The following DERA variants were observed in gnomAD, a reference collection of about 807,000 sequenced individuals.
DERA encodes the protein 2-deoxy-D-ribose 5-phosphate aldolase.
DERA carries 15 observed loss-of-function variants against 41.1 expected under a neutral mutation model. The ratio of observed to expected loss-of-function variants is 0.37; its 90% CI spans 0.24 to 0.56. DERA has a LOEUF of 0.56. Ranked by LOEUF, DERA falls within the 20% of genes least tolerant of loss-of-function variation. DERA has a pLI of 0.81. For missense variants in DERA, 396 were observed against 403.4 expected, an observed-to-expected ratio of 0.98 and a Z score of 0.16; for synonymous variants, 139 against 137.4, an observed-to-expected ratio of 1.01 and a Z score of -0.08.
chr12:15,982,344 G>C lies in DERA; in HGVS notation c.545G>C (p.Cys182Ser), dbSNP rs531147003. 12 of 1,613,892 alleles carry C rather than the reference G, an allele frequency of 7.4e-6. No individual in the cohort carries two copies. In the African/African-American group the frequency reaches 1.5e-4, roughly 20 times the overall value. ...GAGATTCGTCAGTTTCGCAAGGCCT[G>C]TGGGGAGGCTCATCTTAAAACTATA... ...YDEIRQFRKACGEAHLKTILA... is the reference protein window; with the variant it reads ...YDEIRQFRKASGEAHLKTILA... Residue 182 changes from cysteine (C) to serine (S), a missense_variant, in exon 6 of 9, where the codon TGT becomes TCT. Cys to Ser is a moderately radical substitution (Grantham distance 112). Coordinates refer to ENST00000428559, the MANE Select transcript of DERA (RefSeq NM_015954.4). The surrounding 1 kb of genome is among the most constrained non-coding windows in gnomAD (Gnocchi z 4.0).
In DERA at chr12:15,936,775, T is replaced by C. The variant is rs532039073; in HGVS notation, c.32-20161T>C. 6.6e-6 allele frequency among the ~76,000 whole-genome samples: 1 copy of C among 152,184 alleles called. No individual in the cohort carries two copies. The highest frequency in any genetic ancestry group is 2.1e-4 in the South Asian group (1 of 4,830). On this transcript the variant is annotated intron_variant, in intron 1 of 8. Transcript: ENST00000428559. The surrounding 1 kb of genome is among the most constrained non-coding windows in gnomAD (Gnocchi z 4.6). ...TATACTGGGTTATGTTTTGTGTAGA[T>C]TGTCTCACCACCCGGATTTGTCTGA... is the stretch of plus-strand genomic sequence containing the variant.
chr12:15,991,449 G>T (rs1277676168), intron 6 of DERA, among the ~76,000 whole-genome samples: 1 of 151,946 alleles, frequency 6.6e-6, no homozygotes, highest in African/African-American at 2.4e-5. Flanking sequence ...CCATGTTTAT[G>T]TAACAGTTCT....
At chr12:15,917,731 C>A (rs1203922802) in intron 1 of DERA, among the ~76,000 whole-genome samples, 1 of 152,138 alleles carries the variant, frequency 6.6e-6, no homozygotes, top group Non-Finnish European at 1.5e-5. Context: ...TTGTGGAGGA[C>A]AGTTTTTCCA....
chr12:15,985,890 C>T lies in DERA; in HGVS notation c.637+3454C>T, dbSNP rs1948761043. On this transcript the variant is annotated intron_variant, in intron 6 of 8. Transcript: ENST00000428559. This position sits in a 1 kb window ranked among gnomAD's most constrained non-coding sequence, Gnocchi z 4.2. The stretch of plus-strand genomic sequence containing the variant: ...GATCGAATTGGTTGATAATGTTTTT[C>T]AGATCTAGTTTTGTTTTCTTTTTGG... 6.6e-6 allele frequency among the ~76,000 whole-genome samples: 1 copy of T among 152,112 alleles called. No individual in the cohort carries two copies. The highest frequency in any genetic ancestry group is 1.5e-5 in the Non-Finnish European group (1 of 67,996).
intron 1 of DERA, among the ~76,000 whole-genome samples, chr12:15,912,310 G>A (rs1040463277): frequency 6.6e-6 from 1 of 152,150 alleles, no homozygotes; most frequent in African/African-American, 2.4e-5. Flanking sequence ...CACAGCACAT[G>A]TTTCAGAGAG....
At chr12:15,987,850 A>G (rs1010749419) in intron 6 of DERA, among the ~76,000 whole-genome samples, 6 of 151,914 alleles carry the variant, frequency 3.9e-5, no homozygotes, top group Non-Finnish European at 7.4e-5. Context: ...CTTGGCTCAC[A>G]CTGCTGGCCT....
At position 15,983,672 on chromosome 12, in the gene DERA, G is replaced by A. The variant is rs866384368; in HGVS notation, c.637+1236G>A. On this transcript the variant is annotated intron_variant, in intron 6 of 8. Transcript: ENST00000428559. The surrounding 1 kb of genome is among the most constrained non-coding windows in gnomAD (Gnocchi z 6.2). ...CCTTCTAGGGGCCCTATATTTGGAT[G>A]AAGATACCTGGTTTCTCTGGTCTTG... Among the ~76,000 whole-genome samples the A allele has an allele frequency of 5.3e-5, 8 of 152,126 alleles. No individual in the cohort carries two copies. Among genetic ancestry groups the A allele is most frequent in the African/African-American group, 1.9e-4 (8 of 41,424 alleles).
intron 1 of DERA, among the ~76,000 whole-genome samples, chr12:15,945,999 T>A (rs1288625024): frequency 6.6e-6 from 1 of 152,228 alleles, no homozygotes; most frequent in Non-Finnish European, 1.5e-5. Context: ...GTGGTTTTTG[T>A]CTTTGCTTCT....
rs1948221199 is a variant in DERA at position 15,918,874 on chromosome 12, A to G, written c.31+7460A>G. On this transcript the variant is annotated intron_variant, in intron 1 of 8. Coordinates refer to ENST00000428559, the MANE Select transcript of DERA (RefSeq NM_015954.4). This position sits in a 1 kb window ranked among gnomAD's most constrained non-coding sequence, Gnocchi z 4.3. ...GAGTAGTTTCTACAAAGGGACTAGC[A>G]AAAGCAGCCTGGCATGTTTCATTAA... is the stretch of plus-strand genomic sequence containing the variant. Among the ~76,000 whole-genome samples the G allele has an allele frequency of 1.3e-5, 2 of 152,208 alleles. No individual in the cohort carries two copies. Among genetic ancestry groups the G allele is most frequent in the South Asian group, 4.1e-4 (2 of 4,832 alleles).
At position 15,998,202 on chromosome 12, in the gene DERA, T is replaced by G. The variant is rs1301895648; in HGVS notation, c.637+15766T>G. ...AACGGAGCCAAGGAAATTCATACTTTGAGAAACATGCATTTTAAAACTTCT... is the reference window on the plus strand; with the variant it reads ...AACGGAGCCAAGGAAATTCATACTTGGAGAAACATGCATTTTAAAACTTCT... On this transcript the variant is annotated intron_variant, in intron 6 of 8. Coordinates refer to ENST00000428559, the MANE Select transcript of DERA (RefSeq NM_015954.4). The surrounding 1 kb of genome is among the most constrained non-coding windows in gnomAD (Gnocchi z 4.8). Among the ~76,000 whole-genome samples, 8 of 152,178 alleles carry G rather than the reference T, an allele frequency of 5.3e-5. No individual in the cohort carries two copies. Among genetic ancestry groups the G allele is most frequent in the South Asian group, 4.1e-4 (2 of 4,826 alleles).
intron 1 of DERA, among the ~76,000 whole-genome samples, chr12:15,925,150 C>G (rs371134966): frequency 6.6e-6 from 1 of 152,106 alleles, no homozygotes; most frequent in East Asian, 1.9e-4. Flanking sequence ...CCCCGAGCCC[C>G]AACCCCTTTG....
At chr12:15,980,941 A>T (rs1449244453) in intron 5 of DERA, among the ~76,000 whole-genome samples, 2 of 152,160 alleles carry the variant, frequency 1.3e-5, no homozygotes, top group African/African-American at 4.8e-5. Context: ...TTCTAAATGT[A>T]CTTTACTAAG....
At position 15,954,314 on chromosome 12, in the gene DERA, T is replaced by C. The variant is rs1248527090; in HGVS notation, c.32-2622T>C. On this transcript the variant is annotated intron_variant, in intron 1 of 8. Coordinates refer to ENST00000428559, the MANE Select transcript of DERA (RefSeq NM_015954.4). This position sits in a 1 kb window ranked among gnomAD's most constrained non-coding sequence, Gnocchi z 4.0. ...TGCGTCAGGTCCTTCGCTTGGAGTT[T>C]TAAAAAATCTTTTGGGGACATAAAC... Among the ~76,000 whole-genome samples, 2 of 152,166 alleles carry C rather than the reference T, an allele frequency of 1.3e-5. No individual in the cohort carries two copies. The highest frequency in any genetic ancestry group is 1.3e-4 in the Admixed American group (2 of 15,284).
rs1190315090 is a variant in DERA at position 15,911,946 on chromosome 12, T to A, written c.31+532T>A. 3.3e-5 allele frequency among the ~76,000 whole-genome samples: 5 copies of A among 152,188 alleles called. No homozygotes were observed. The highest frequency in any genetic ancestry group is 3.3e-4 in the Admixed American group (5 of 15,288). On this transcript the variant is annotated intron_variant, in intron 1 of 8. Coordinates refer to ENST00000428559, the MANE Select transcript of DERA (RefSeq NM_015954.4). The surrounding 1 kb of genome is among the most constrained non-coding windows in gnomAD (Gnocchi z 4.5). ...TTAGAGTTACAAAGATTTGTTAAAG[T>A]ACCTGTATTATTTCCCAGTTTTCAT...
At position 15,928,040 on chromosome 12, in the gene DERA, A is replaced by G. The variant is rs567810288; in HGVS notation, c.31+16626A>G. On this transcript the variant is annotated intron_variant, in intron 1 of 8. Coordinates refer to ENST00000428559, the MANE Select transcript of DERA (RefSeq NM_015954.4). This position sits in a 1 kb window ranked among gnomAD's most constrained non-coding sequence, Gnocchi z 4.6. ...ATTGGAAAATAATAATTATCTATTT[A>G]GGGGATACAATGTAATATTTTGATA... 3.9e-5 allele frequency among the ~76,000 whole-genome samples: 6 copies of G among 152,298 alleles called. No individual in the cohort carries two copies. In the South Asian group the frequency reaches 1.0e-3, roughly 26 times the overall value.
Position 15,918,372 on chromosome 12 carries a change from G to C in DERA, c.31+6958G>C, listed in dbSNP as rs1948216349. Among the ~76,000 whole-genome samples the C allele has an allele frequency of 2.0e-5, 3 of 152,122 alleles. No homozygotes were observed. In the South Asian group the frequency reaches 6.2e-4, roughly 32 times the overall value. ...CTATGTCTTGCTCCCGCTTTGTGCA[G>C]ATCCCCTCCTTGTTCTGATTGGACT... On this transcript the variant is annotated intron_variant, in intron 1 of 8. Transcript: ENST00000428559. The surrounding 1 kb of genome is among the most constrained non-coding windows in gnomAD (Gnocchi z 4.3).
chr12:15,956,879 G>A, intron 1 of DERA, 57 bp from the exon 2 acceptor site: 1 of 1,225,698 alleles, frequency 8.2e-7, no homozygotes, highest in South Asian at 1.2e-5. Flanking sequence ...TGTAAAAATA[G>A]GTGACTATAT....
chr12:16,014,449 TG>T lies in DERA; in HGVS notation c.638-18092del, dbSNP rs1201912885. Among the ~76,000 whole-genome samples, 2 of 151,986 alleles carry T rather than the reference TG, an allele frequency of 1.3e-5. No individual in the cohort carries two copies. Among genetic ancestry groups the T allele is most frequent in the Admixed American group, 6.5e-5 (1 of 15,274 alleles). On this transcript the variant is annotated intron_variant, in intron 6 of 8. Transcript: ENST00000428559. The surrounding 1 kb of genome is among the most constrained non-coding windows in gnomAD (Gnocchi z 5.4). ...CAGCTCAGGCCATTGCTTCAGAGAGTGTAAGCTCCAAGCCTTGGTGGCTTCC... is the reference window on the plus strand; with the variant it reads ...CAGCTCAGGCCATTGCTTCAGAGAGTTAAGCTCCAAGCCTTGGTGGCTTCC...
chr12:15,961,019 T>C (rs1948584070), intron 4 of DERA, among the ~76,000 whole-genome samples: 1 of 152,224 alleles, frequency 6.6e-6, no homozygotes, highest in Non-Finnish European at 1.5e-5. Context: ...GCATTTGGCC[T>C]GTATTCTGAT....
Sources: gnomAD v4.1 joint callset for allele counts (sites outside exome capture counted in the v4.1 genomes callset) on GRCh38, gnomAD v4.1.1 for gene constraint, Gnocchi (gnomAD v3.1) non-coding constraint, MANE v1.5 for transcripts, NCBI Gene and HGNC (gene_info 2026-07-23, HGNC 2026-07-21) for gene names.